Variants in COL24A1 observed in about 807,000 individuals in gnomAD.
COL24A1 encodes the protein collagen alpha-1(XXIV) chain.
COL24A1 carries 224 observed loss-of-function variants against 253.9 expected under a neutral mutation model. The ratio of observed to expected loss-of-function variants is 0.88; its 90% CI spans 0.79 to 0.99. COL24A1 has a LOEUF of 0.99. Among genes scored for constraint, COL24A1 ranks in the 50% least tolerant of loss-of-function variants. The probability of loss-of-function intolerance (pLI) is 0.00; values close to 1 mark genes in which losing one functional copy is unlikely to be tolerated. For synonymous variants in COL24A1, 685 were observed against 673.7 expected (o/e 1.02, Z -0.26); for missense variants, 2,131 against 2,068.5 (o/e 1.03, Z -0.59).
At chr1:85,889,445 T>G (rs1195407545) in intron 32 of COL24A1, 115 bp downstream of exon 32, 4 of 848,444 alleles carry the variant, frequency 4.7e-6, no homozygotes, top group Non-Finnish European at 7.7e-6. Flanking sequence ...CTATGGTGTC[T>G]ATGATAAATG....
At chr1:85,868,432 G>A in intron 37 of COL24A1, 87 bp downstream of exon 37, 2 of 853,932 alleles carry the variant, frequency 2.3e-6, no homozygotes, top group South Asian at 1.7e-5. Context: ...TATATAAGGA[G>A]GTCAGAGTGT....
chr1:85,830,377 C>T (rs982593691), intron 43 of COL24A1, among the ~76,000 whole-genome samples: 15 of 152,118 alleles, frequency 9.9e-5, no homozygotes, highest in Admixed American at 7.2e-4. Context: ...GTCTTTTTGT[C>T]TGTCTGTGCC....
chr1:85,810,014 A>G (rs913801177), intron 47 of COL24A1, among the ~76,000 whole-genome samples: 4 of 151,806 alleles, frequency 2.6e-5, no homozygotes, highest in African/African-American at 9.7e-5. Context: ...ATCTCTCTGA[A>G]TTTGATTATC....
rs760238255 is a variant in COL24A1 at position 85,853,811 on chromosome 1, GGTTT to G, written c.3301-4409_3301-4406del. Among the ~76,000 whole-genome samples the G allele has an allele frequency of 4.6e-5, 7 of 152,022 alleles. No homozygotes were observed. The South Asian group carries it at 8.3e-4, about 18-fold the overall frequency. On this transcript the variant is annotated intron_variant, in intron 37 of 59. Coordinates refer to ENST00000370571, the MANE Select transcript of COL24A1 (RefSeq NM_152890.7). ...TCAAGTCCTTTACCCATTTTTAATG[GGTTT>G]GTTTGTTTTTTGCTTATTGATTTAA...
rs1226353914 is a variant in COL24A1 at position 85,877,117 on chromosome 1, T to C, written c.3030+5A>G. 2 of 1,601,406 alleles carry C rather than the reference T, an allele frequency of 1.2e-6. No individual in the cohort carries two copies. Among genetic ancestry groups the C allele is most frequent in the South Asian group, 1.1e-5 (1 of 88,242 alleles). On this transcript the variant is annotated splice_donor_5th_base_variant and intron_variant, in intron 33 of 59. Coordinates refer to ENST00000370571, the MANE Select transcript of COL24A1 (RefSeq NM_152890.7). ...ATGAAGAAGAACTAGCCACAAAAAATTTACCTCCATGCCCATTTCTCCAGG... is the reference window on the plus strand; with the variant it reads ...ATGAAGAAGAACTAGCCACAAAAAACTTACCTCCATGCCCATTTCTCCAGG...
intron 12 of COL24A1, among the ~76,000 whole-genome samples, chr1:86,037,159 T>G (rs997250728): frequency 1.3e-5 from 2 of 152,190 alleles, no homozygotes; most frequent in Non-Finnish European, 2.9e-5. Context: ...TTGTAAATAA[T>G]TTTCTATTTT....
At chr1:85,944,799 C>CCATGTGTTCT (rs1689100062) in intron 24 of COL24A1, among the ~76,000 whole-genome samples, 1 of 151,596 alleles carries the variant, frequency 6.6e-6, no homozygotes, top group Non-Finnish European at 1.5e-5. Context: ...CTTCCTGTGT[C>CCATGTGTTCT]CATGTGTTCT....
chr1:85,859,139 A>G (rs1678849433), intron 37 of COL24A1, among the ~76,000 whole-genome samples: 1 of 152,154 alleles, frequency 6.6e-6, no homozygotes, highest in Non-Finnish European at 1.5e-5. Context: ...TGACAGCATG[A>G]ACCTTGTCTG....
intron 24 of COL24A1, among the ~76,000 whole-genome samples, chr1:85,953,586 G>T (rs187267891): frequency 6.7e-4 from 102 of 152,232 alleles, no homozygotes; most frequent in African/African-American, 2.4e-3. Flanking sequence ...CTGAATGCTA[G>T]AATAAATAAA....
chr1:86,069,139 CCACAGTAGGGTAGGG>C (rs1439838289), intron 7 of COL24A1, among the ~76,000 whole-genome samples: 1 of 152,154 alleles, frequency 6.6e-6, no homozygotes, highest in Non-Finnish European at 1.5e-5. Context: ...ACCAGCTTGG[CCACAGTAGGGTAGGG>C]CAATTAGCAG....
chr1:86,092,197 A>G lies in COL24A1; in HGVS notation c.1653+70T>C, dbSNP rs1000971653. 15 of 1,254,082 alleles carry G rather than the reference A, an allele frequency of 1.2e-5. No individual in the cohort carries two copies. In the African/African-American group the frequency reaches 1.8e-4, roughly 15 times the overall value. The allele number at this position is 1,254,082 out of a possible 1,614,324, so 77.7% of individuals were successfully genotyped here. A position where few individuals can be genotyped will look rare whatever the true frequency, so the allele number is the denominator to read the frequency against. On this transcript the variant is annotated intron_variant, in intron 6 of 59. Transcript: ENST00000370571. ...TCTGATACAGTAAAATCTACATTTA[A>G]AAATGCTTAAATTATTTTAAAATGC...
At position 86,057,970 on chromosome 1, in the gene COL24A1, T is replaced by A. The variant is rs1246608175; in HGVS notation, c.1812A>T (p.Leu604Phe). ...GSPGYPGRQG[L>F]AGPEGNPGPK... ...GACCTGGATTACCTTCTGGTCCAGC[T>A]AAACCCTGGTGTAAACAAAAGACAT... The change falls in exon 10 of 60, where the codon TTA (leucine) becomes TTT (phenylalanine). Residue 604 changes from leucine (L) to phenylalanine (F), a missense_variant. By Grantham distance (22) the Leu-to-Phe change is conservative. Transcript: ENST00000370571. 4 of 1,612,832 alleles carry A rather than the reference T, an allele frequency of 2.5e-6. No individual in the cohort carries two copies.
chr1:85,876,789 C>T, intron 33 of COL24A1, among the ~76,000 whole-genome samples: 1 of 152,006 alleles, frequency 6.6e-6, no homozygotes, highest in East Asian at 1.9e-4. Context: ...AAATATATCC[C>T]AAATTGGGTA....
intron 35 of COL24A1, among the ~76,000 whole-genome samples, chr1:85,871,961 C>A (rs141784415): frequency 0.01 from 1,564 of 152,290 alleles, 29 homozygotes; most frequent in African/African-American, 0.036. Context: ...ATCGTTTCAG[C>A]CCCAAATCTC....
At chr1:85,942,244 T>C (rs12032751) in intron 24 of COL24A1, among the ~76,000 whole-genome samples, 48,319 of 152,080 alleles carry the variant, frequency 0.32, 8,610 homozygotes, top group East Asian at 0.52. Context: ...AAGTACAGGA[T>C]AGCATCTTTG....
At chr1:85,893,124 G>A (rs2102771121) in intron 31 of COL24A1, among the ~76,000 whole-genome samples, 1 of 152,098 alleles carries the variant, frequency 6.6e-6, no homozygotes, top group East Asian at 1.9e-4. Flanking sequence ...TAAATATCAA[G>A]ACACAGATAG....
intron 47 of COL24A1, among the ~76,000 whole-genome samples, chr1:85,795,775 A>G (rs1331957673): frequency 6.6e-6 from 1 of 152,152 alleles, no homozygotes; most frequent in Non-Finnish European, 1.5e-5. Flanking sequence ...GTACAAATAT[A>G]ATATCCTAGA....
At chr1:86,110,654 C>T (rs974895194) in intron 5 of COL24A1, among the ~76,000 whole-genome samples, 39 of 152,204 alleles carry the variant, frequency 2.6e-4, no homozygotes, top group African/African-American at 6.0e-4. Context: ...ACACTCCCAG[C>T]GGCCCCGGGC....
At position 86,125,599 on chromosome 1, in the gene COL24A1, T is replaced by C. The variant is rs771291832; in HGVS notation, c.737A>G (p.Asp246Gly). 6.2e-7 allele frequency: 1 copy of C among 1,613,316 alleles called. No individual in the cohort carries two copies. The highest frequency in any genetic ancestry group is 8.5e-7 in the Non-Finnish European group (1 of 1,179,676). Residue 246 changes from aspartate (D) to glycine (G), a missense_variant, in exon 3 of 60, where the codon GAC becomes GGC. Coordinates refer to ENST00000370571, the MANE Select transcript of COL24A1 (RefSeq NM_152890.7). ...AATGCTTGTTTCAGGTTGGTATTTG[T>C]CTGCTTGGCGACACTGCTGTTTCAC... is the stretch of plus-strand genomic sequence containing the variant. ...RYVKQQCRQA[D>G]KYQPETSIPC...
Sources: allele counts gnomAD v4.1 joint callset (sites outside exome capture counted in the v4.1 genomes callset), GRCh38; gene constraint gnomAD v4.1.1; transcripts MANE v1.5; gene names NCBI Gene and HGNC (gene_info 2026-07-23, HGNC 2026-07-21).